Variants in CCSER1 observed in about 807,000 individuals in gnomAD.
The protein encoded by CCSER1 is coiled-coil serine rich protein 1.
Under a neutral mutation model 82.0 loss-of-function variants are expected in CCSER1, and 41 were observed. The ratio of observed to expected loss-of-function variants is 0.50; its 90% CI spans 0.39 to 0.65. CCSER1 has a LOEUF of 0.65. Among genes scored for constraint, CCSER1 ranks in the 30% least tolerant of loss-of-function variants. The probability of loss-of-function intolerance (pLI) is 0.00; values close to 1 mark genes in which losing one functional copy is unlikely to be tolerated. For synonymous variants in CCSER1, 414 were observed against 383.9 expected (o/e 1.08, Z -0.92); for missense variants, 1,119 against 1,064.2 (o/e 1.05, Z -0.72).
intron 9 of CCSER1, among the ~76,000 whole-genome samples, chr4:90,958,452 G>A (rs905254475): frequency 6.6e-6 from 1 of 152,100 alleles, no homozygotes; most frequent in Non-Finnish European, 1.5e-5. Context: ...CCTCTCTAGG[G>A]CTGTCAGCCA....
At chr4:91,181,391 T>C (rs1414124051) in intron 10 of CCSER1, among the ~76,000 whole-genome samples, 2 of 152,216 alleles carry the variant, frequency 1.3e-5, no homozygotes, top group African/African-American at 4.8e-5. Context: ...CTAATCTGTC[T>C]GTAACTCCTT....
At chr4:90,994,078 A>G (rs1228582352) in intron 9 of CCSER1, among the ~76,000 whole-genome samples, 1 of 152,080 alleles carries the variant, frequency 6.6e-6, no homozygotes, top group Non-Finnish European at 1.5e-5. Flanking sequence ...ATGCTCACGT[A>G]GTCCCGGCTA....
chr4:90,898,375 C>T (rs968147827), intron 8 of CCSER1, among the ~76,000 whole-genome samples: 1 of 136,938 alleles, frequency 7.3e-6, no homozygotes, highest in Admixed American at 8.0e-5. Context: ...CTCTAAGTTT[C>T]CAAGCAACTC....
rs182304959 is a variant in CCSER1, at chr4:90,417,847, C to T, written c.1603+17718C>T. Among the ~76,000 whole-genome samples, 23 of 152,088 alleles carry T rather than the reference C, an allele frequency of 1.5e-4. No homozygotes were observed. The East Asian group carries it at 3.3e-3, about 22-fold the overall frequency. ...TGAAACCCTAGTGGTTTTCCTAATA[C>T]GAATGGTAATGTACAGAGAATTGCA... On this transcript the variant is annotated intron_variant, in intron 4 of 10. Coordinates refer to ENST00000509176, the MANE Select transcript of CCSER1 (RefSeq NM_001145065.2).
intron 7 of CCSER1, among the ~76,000 whole-genome samples, chr4:90,759,681 C>CTCAT (rs1400672589): frequency 6.6e-6 from 1 of 152,170 alleles, no homozygotes; most frequent in Non-Finnish European, 1.5e-5. Context: ...GAAGAACTCA[C>CTCAT]GAAGAACTAG....
chr4:91,497,778 A>T (rs1378141427), intron 10 of CCSER1, among the ~76,000 whole-genome samples: 3 of 151,940 alleles, frequency 2.0e-5, no homozygotes, highest in African/African-American at 7.2e-5. Context: ...AATCTTTAAA[A>T]AGTTATTAGT....
chr4:91,069,012 A>G (rs1372176998), intron 9 of CCSER1, among the ~76,000 whole-genome samples: 1 of 152,048 alleles, frequency 6.6e-6, no homozygotes, highest in Non-Finnish European at 1.5e-5. Flanking sequence ...TGTCTTTACA[A>G]AAAATACAAA....
At chr4:91,012,165 G>A (rs1739048889) in intron 9 of CCSER1, among the ~76,000 whole-genome samples, 1 of 134,566 alleles carries the variant, frequency 7.4e-6, no homozygotes, top group Admixed American at 7.3e-5. Flanking sequence ...GACTTCTCAG[G>A]GTAGCCAGGG....
chr4:90,260,996 G>A (rs754468672), intron 1 of CCSER1, among the ~76,000 whole-genome samples: 8 of 152,198 alleles, frequency 5.3e-5, no homozygotes, highest in Non-Finnish European at 1.0e-4. Context: ...GATTAGAGGT[G>A]TGAGGCACCA....
intron 10 of CCSER1, among the ~76,000 whole-genome samples, chr4:91,334,122 GTGTAA>G (rs1361065681): frequency 1.3e-5 from 2 of 152,064 alleles, no homozygotes; most frequent in African/African-American, 4.8e-5. Context: ...TACATAAATG[GTGTAA>G]TGTATTGTTA....
chr4:91,190,912 A>T (rs10029387), intron 10 of CCSER1, among the ~76,000 whole-genome samples: 88,005 of 152,038 alleles, frequency 0.58, 25,630 homozygotes, highest in Admixed American at 0.64. Flanking sequence ...GGAAGACTTT[A>T]CTACCTCAGT....
chr4:91,346,258 G>A (rs770681211), intron 10 of CCSER1, among the ~76,000 whole-genome samples: 10 of 152,076 alleles, frequency 6.6e-5, no homozygotes, highest in East Asian at 1.9e-4. Context: ...CTTGTGACCC[G>A]CCTACCTCAG....
intron 10 of CCSER1, among the ~76,000 whole-genome samples, chr4:91,413,457 C>T (rs1038921762): frequency 4.0e-5 from 6 of 151,062 alleles, no homozygotes; most frequent in African/African-American, 1.5e-4. Flanking sequence ...GAGACCATGT[C>T]TCTCAAAAAA....
intron 9 of CCSER1, among the ~76,000 whole-genome samples, chr4:90,933,953 G>A (rs1561388060): frequency 6.6e-6 from 1 of 151,418 alleles, no homozygotes. Context: ...AATAACAATG[G>A]CACATATCCT....
chr4:91,225,314 TAATA>T (rs1325069597), intron 10 of CCSER1, among the ~76,000 whole-genome samples: 1 of 128,874 alleles, frequency 7.8e-6, no homozygotes, highest in Non-Finnish European at 1.6e-5. Context: ...ATTATATATG[TAATA>T]TATATGTATA....
chr4:91,170,993 A>G (rs922474958), intron 10 of CCSER1, among the ~76,000 whole-genome samples: 8 of 152,198 alleles, frequency 5.3e-5, no homozygotes, highest in African/African-American at 1.4e-4. Context: ...CCTGATTCAT[A>G]AATGATTTCT....
At chr4:91,398,510 TA>T (rs2149357121) in intron 10 of CCSER1, among the ~76,000 whole-genome samples, 1 of 151,924 alleles carries the variant, frequency 6.6e-6, no homozygotes, top group African/African-American at 2.4e-5. Context: ...TAAAAGATAA[TA>T]AAAAATAGAT....
At chr4:90,630,537 G>T (rs1724181774) in intron 6 of CCSER1, among the ~76,000 whole-genome samples, 1 of 152,130 alleles carries the variant, frequency 6.6e-6, no homozygotes, top group Non-Finnish European at 1.5e-5. Context: ...TTTTAAAGCT[G>T]ATGTAGAGTG....
intron 1 of CCSER1, among the ~76,000 whole-genome samples, chr4:90,223,756 A>T (rs764892379): frequency 6.6e-6 from 1 of 152,254 alleles, no homozygotes; most frequent in South Asian, 2.1e-4. Flanking sequence ...ACGTAAAAAA[A>T]GTCTGTATTG....
Sources: allele counts gnomAD v4.1 joint callset (sites outside exome capture counted in the v4.1 genomes callset), GRCh38; gene constraint gnomAD v4.1.1; transcripts MANE v1.5; gene names NCBI Gene and HGNC (gene_info 2026-07-23, HGNC 2026-07-21).